KIT: variants seen among roughly 807,000 people sequenced by gnomAD.
KIT encodes the protein mast/stem cell growth factor receptor Kit.
A neutral mutation model predicts 105.7 loss-of-function variants in KIT; 16 were observed. The observed-to-expected ratio is 0.15, with a 90% CI of 0.10 to 0.23. The LOEUF (loss-of-function observed/expected upper bound fraction) is 0.23, where lower values mean the gene tolerates loss of function less well. Ranked by LOEUF, KIT falls within the 10% of genes least tolerant of loss-of-function variation. The probability of loss-of-function intolerance (pLI) is 1.00; values close to 1 mark genes in which losing one functional copy is unlikely to be tolerated. For synonymous variants in KIT, 438 were observed against 441.1 expected (o/e 0.99, Z 0.09); for missense variants, 858 against 1,213.8 (o/e 0.71, Z 4.36).
At chr4:54,719,758 T>A (rs554728539) in intron 7 of KIT, among the ~76,000 whole-genome samples, 6 of 152,200 alleles carry the variant, frequency 3.9e-5, no homozygotes, top group African/African-American at 7.2e-5. Flanking sequence ...AAGATGTATA[T>A]TTAATGCCAA....
intron 7 of KIT, among the ~76,000 whole-genome samples, chr4:54,712,411 G>T (rs918544025): frequency 3.9e-5 from 6 of 152,212 alleles, no homozygotes; most frequent in African/African-American, 1.4e-4. Context: ...CACTTTGAGA[G>T]TTCAGTGGTT....
intron 1 of KIT, among the ~76,000 whole-genome samples, chr4:54,692,656 C>T (rs990017841): frequency 5.9e-5 from 9 of 152,144 alleles, no homozygotes; most frequent in Admixed American, 2.0e-4. Context: ...TAAATAATAG[C>T]ATCTCTATTG....
intron 5 of KIT, among the ~76,000 whole-genome samples, chr4:54,706,740 A>T (rs1023416861): frequency 6.6e-6 from 1 of 152,184 alleles, no homozygotes; most frequent in Admixed American, 6.5e-5. Flanking sequence ...ACCTTATCAC[A>T]TATATAATTA....
intron 7 of KIT, among the ~76,000 whole-genome samples, chr4:54,718,849 T>C (rs1035915039): frequency 6.6e-6 from 1 of 152,234 alleles, no homozygotes; most frequent in Non-Finnish European, 1.5e-5. Context: ...TAAGACACAG[T>C]ATATGTCCAA....
intron 1 of KIT, among the ~76,000 whole-genome samples, chr4:54,673,953 TAG>T (rs1718291711): frequency 6.6e-6 from 1 of 152,166 alleles, no homozygotes. Context: ...GTATTTTTAG[TAG>T]AGACAGGGTT....
chr4:54,701,770 G>A (rs1002476073), intron 4 of KIT, among the ~76,000 whole-genome samples: 5 of 152,204 alleles, frequency 3.3e-5, no homozygotes, highest in African/African-American at 1.2e-4. Flanking sequence ...TCTGTCCATT[G>A]TCACTCTGCC....
Position 54,702,656 on chromosome 4 carries a change from C to T in KIT, c.757-1068C>T, listed in dbSNP as rs576256749. ...TGCTATACTTGATATACATTTAGGT[C>T]GTTTCTGAGTTTTTACCACAACCAA... On this transcript the variant is annotated intron_variant, in intron 4 of 20. Transcript: ENST00000288135. 9.2e-5 allele frequency among the ~76,000 whole-genome samples: 14 copies of T among 152,144 alleles called. No homozygotes were observed. In the East Asian group the frequency reaches 2.3e-3, roughly 25 times the overall value.
chr4:54,720,498 G>A (rs1721799507), intron 7 of KIT, among the ~76,000 whole-genome samples: 1 of 152,182 alleles, frequency 6.6e-6, no homozygotes, highest in Non-Finnish European at 1.5e-5. Flanking sequence ...AATTGATTAT[G>A]TAATTTTGAG....
At chr4:54,689,548 A>G (rs1719548820) in intron 1 of KIT, among the ~76,000 whole-genome samples, 1 of 152,214 alleles carries the variant, frequency 6.6e-6, no homozygotes, top group African/African-American at 2.4e-5. Flanking sequence ...TAGTGAAGCA[A>G]TTAATTTTTT....
At chr4:54,721,641 C>T (rs919628864) in intron 7 of KIT, among the ~76,000 whole-genome samples, 4 of 152,160 alleles carry the variant, frequency 2.6e-5, no homozygotes, top group East Asian at 1.9e-4. Flanking sequence ...CTCTGATCTC[C>T]GCCAACTCCA....
In KIT at chr4:54,738,473, C is replaced by G. The variant is rs56288823; in HGVS notation, c.2847C>G (p.Pro949=). Residue 949 remains proline (P), a synonymous_variant, in exon 21 of 21, where the codon CCC becomes CCG. Coordinates refer to ENST00000288135, the MANE Select transcript of KIT (RefSeq NM_000222.3). Reference sequence around the variant, plus strand: ...ACTGCAGCCCCAACCGACAGAAGCCCGTGGTAGACCATTCTGTGCGGATCA... The same window carrying G: ...ACTGCAGCCCCAACCGACAGAAGCCGGTGGTAGACCATTCTGTGCGGATCA... ...LANCSPNRQK[P]VVDHSVRINS... 1 of 1,614,028 alleles carries G rather than the reference C, an allele frequency of 6.2e-7. No individual in the cohort carries two copies. The highest frequency in any genetic ancestry group is 8.5e-7 in the Non-Finnish European group (1 of 1,179,970).
rs1047342514 is a variant in KIT, at chr4:54,714,136, T to C, written c.1231+4597T>C. Among the ~76,000 whole-genome samples, 3 of 152,360 alleles carry C rather than the reference T, an allele frequency of 2.0e-5. No homozygotes were observed. The South Asian group carries it at 6.2e-4, about 32-fold the overall frequency. ...ACATCAAATTCTTAGATCTGAAATG[T>C]TTGATATCCTTCAGCGAAAATGGTG... On this transcript the variant is annotated intron_variant, in intron 7 of 20. Transcript: ENST00000288135.
Position 54,687,213 on chromosome 4 carries a change from G to A in KIT, c.68-8299G>A, listed in dbSNP as rs1719367667. ...TCAACTTTGGGAGGCCGAGGCGGGT[G>A]GATTACCTGAGGTCAAAAGTTCGAG... is the stretch of plus-strand genomic sequence containing the variant. On this transcript the variant is annotated intron_variant, in intron 1 of 20. Coordinates refer to ENST00000288135, the MANE Select transcript of KIT (RefSeq NM_000222.3). Among the ~76,000 whole-genome samples, 5 of 152,100 alleles carry A rather than the reference G, an allele frequency of 3.3e-5. No homozygotes were observed. In the South Asian group the frequency reaches 1.0e-3, roughly 32 times the overall value.
At chr4:54,700,657 A>G (rs1044209095) in intron 4 of KIT, among the ~76,000 whole-genome samples, 1 of 152,170 alleles carries the variant, frequency 6.6e-6, no homozygotes, top group Non-Finnish European at 1.5e-5. Context: ...AAAAAGAAAT[A>G]TTATATTTTC....
chr4:54,678,339 T>C lies in KIT; in HGVS notation c.68-17173T>C, dbSNP rs1027639514. Among the ~76,000 whole-genome samples the C allele has an allele frequency of 8.0e-4, 79 of 98,848 alleles. 2 individuals are homozygous for C. Among genetic ancestry groups the C allele is most frequent in the Non-Finnish European group, 1.2e-3 (62 of 50,700 alleles). The allele number at this position is 98,848 out of a possible 152,430, so 64.8% of individuals were successfully genotyped here. ...TTCCTTCCTTCCTTCCTTCCTTCCT[T>C]CCTTCCTTCCTTCCCTCCCTCCCTC... is the stretch of plus-strand genomic sequence containing the variant. On this transcript the variant is annotated intron_variant, in intron 1 of 20. Transcript: ENST00000288135.
chr4:54,727,386 G>T (rs1378906055), intron 10 of KIT, 30 bp from the exon 11 acceptor site: 1 of 1,614,076 alleles, frequency 6.2e-7, no homozygotes. Flanking sequence ...ATTATTAAAA[G>T]GTGATCTATT....
chr4:54,695,845 G>C, intron 2 of KIT, 64 bp downstream of exon 2: 1 of 1,588,896 alleles, frequency 6.3e-7, no homozygotes, highest in South Asian at 1.1e-5. Context: ...CTTAATTTTG[G>C]ATGACATATG....
chr4:54,722,855 TTA>T (rs1290216687), intron 7 of KIT, among the ~76,000 whole-genome samples: 10 of 132,052 alleles, frequency 7.6e-5, no homozygotes, highest in East Asian at 2.0e-4. Flanking sequence ...ATATATATTT[TTA>T]TATATATGTA....
At chr4:54,729,202 G>A in intron 13 of KIT, 133 bp from the exon 14 acceptor site, 2 of 885,518 alleles carry the variant, frequency 2.3e-6, no homozygotes, top group Non-Finnish European at 3.7e-6. Flanking sequence ...ATATGGGATT[G>A]TATTGGGACT....
Sources: gnomAD v4.1 joint callset for allele counts (sites outside exome capture counted in the v4.1 genomes callset) on GRCh38, gnomAD v4.1.1 for gene constraint, MANE v1.5 for transcripts, NCBI Gene and HGNC (gene_info 2026-07-23, HGNC 2026-07-21) for gene names.